Variants in IGSF3 observed in about 807,000 individuals in gnomAD.
The protein encoded by IGSF3 is immunoglobulin superfamily member 3.
Under a neutral mutation model 114.4 loss-of-function variants are expected in IGSF3, and 23 were observed. That is an observed-to-expected ratio of 0.20 (90% CI 0.14 to 0.28). IGSF3 has a LOEUF of 0.28. Ranked by LOEUF, IGSF3 falls within the 10% of genes least tolerant of loss-of-function variation. The pLI is 1.00. For synonymous variants in IGSF3, 571 were observed against 645.2 expected (o/e 0.88, Z 1.74); for missense variants, 1,172 against 1,591.5 (o/e 0.74, Z 4.48).
In IGSF3 at chr1:116,627,274, A is replaced by G. The variant is rs1179716648; in HGVS notation, c.44-10817T>C. 6.6e-6 allele frequency among the ~76,000 whole-genome samples: 1 copy of G among 152,184 alleles called. No individual in the cohort carries two copies. Among genetic ancestry groups the G allele is most frequent in the Non-Finnish European group, 1.5e-5 (1 of 68,034 alleles). On this transcript the variant is annotated intron_variant, in intron 2 of 10. Transcript: ENST00000369486. This position sits in a 1 kb window ranked among gnomAD's most constrained non-coding sequence, Gnocchi z 4.7. ...TAAGTGCCTCATTCCTTCTCACAGCATACATTTCACAGCAATTACTGTTGC... is the reference window on the plus strand; with the variant it reads ...TAAGTGCCTCATTCCTTCTCACAGCGTACATTTCACAGCAATTACTGTTGC...
chr1:116,659,121 T>G (rs548313190), intron 2 of IGSF3, among the ~76,000 whole-genome samples: 263 of 152,288 alleles, frequency 1.7e-3, no homozygotes, highest in African/African-American at 5.7e-3. Context: ...TTTAGGATCT[T>G]GCAGTGCCCC....
rs1176274499 is a variant in IGSF3, at chr1:116,632,711, G to T, written c.44-16254C>A. Among the ~76,000 whole-genome samples the T allele has an allele frequency of 6.6e-6, 1 of 152,200 alleles. No individual in the cohort carries two copies. Among genetic ancestry groups the T allele is most frequent in the African/African-American group, 2.4e-5 (1 of 41,456 alleles). On this transcript the variant is annotated intron_variant, in intron 2 of 10. Transcript: ENST00000369486. This position sits in a 1 kb window ranked among gnomAD's most constrained non-coding sequence, Gnocchi z 5.1. The stretch of plus-strand genomic sequence containing the variant: ...AACTCAGAGCTGACCTCGTCTGGCA[G>T]GATTAACTAGCCATACCTGTCCAGC...
At position 116,595,138 on chromosome 1, in the gene IGSF3, G is replaced by T. The variant is rs907359461; in HGVS notation, c.2029+4803C>A. On this transcript the variant is annotated intron_variant, in intron 7 of 10. Transcript: ENST00000369486. This position sits in a 1 kb window ranked among gnomAD's most constrained non-coding sequence, Gnocchi z 4.2. ...GGGAAAGCAGCAAGAGTCTGCAGGTGGAAATAGCTAATGAAGGTTACCCAG... is the reference window on the plus strand; with the variant it reads ...GGGAAAGCAGCAAGAGTCTGCAGGTTGAAATAGCTAATGAAGGTTACCCAG... Among the ~76,000 whole-genome samples, 9 of 152,126 alleles carry T rather than the reference G, an allele frequency of 5.9e-5. No homozygotes were observed. The highest frequency in any genetic ancestry group is 1.2e-4 in the Non-Finnish European group (8 of 68,026).
At chr1:116,667,126 G>T (rs1649365890) in intron 1 of IGSF3, among the ~76,000 whole-genome samples, 170 bp from the exon 2 acceptor site, 1 of 152,180 alleles carries the variant, frequency 6.6e-6, no homozygotes, top group Admixed American at 6.5e-5. Flanking sequence ...CAGTTTCCCT[G>T]CCCAGAGCAG....
Position 116,661,921 on chromosome 1 carries a change from C to A in IGSF3, c.43+4363G>T, listed in dbSNP as rs369365972. Reference sequence around the variant, plus strand: ...GTATCCTTACATTAAGAGGTCCTACCCTTCACTAGCCTTTTCTTCCTTCCT... The same window carrying A: ...GTATCCTTACATTAAGAGGTCCTACACTTCACTAGCCTTTTCTTCCTTCCT... On this transcript the variant is annotated intron_variant, in intron 2 of 10. Transcript: ENST00000369486. The surrounding 1 kb of genome is among the most constrained non-coding windows in gnomAD (Gnocchi z 4.0). Among the ~76,000 whole-genome samples, 9 of 152,258 alleles carry A rather than the reference C, an allele frequency of 5.9e-5. 1 individual carries two copies. Among genetic ancestry groups the A allele is most frequent in the African/African-American group, 1.9e-4 (8 of 41,538 alleles).
In IGSF3 at chr1:116,632,972, C is replaced by T. The variant is rs897429442; in HGVS notation, c.44-16515G>A. On this transcript the variant is annotated intron_variant, in intron 2 of 10. Coordinates refer to ENST00000369486, the MANE Select transcript of IGSF3 (RefSeq NM_001007237.3). This position sits in a 1 kb window ranked among gnomAD's most constrained non-coding sequence, Gnocchi z 5.1. Reference sequence around the variant, plus strand: ...TGGAGAGTTTCTTCACTGCAGCTATCCTGCCAGGCTCATTGTAAAGTGACG... The same window carrying T: ...TGGAGAGTTTCTTCACTGCAGCTATTCTGCCAGGCTCATTGTAAAGTGACG... 6.6e-6 allele frequency among the ~76,000 whole-genome samples: 1 copy of T among 152,238 alleles called. No homozygotes were observed. The highest frequency in any genetic ancestry group is 2.4e-5 in the African/African-American group (1 of 41,466).
In IGSF3 at chr1:116,579,421, G is replaced by A. The variant is rs755995207; in HGVS notation, c.3305C>T (p.Ala1102Val). Residue 1102 changes from alanine (A) to valine (V), a missense_variant, in exon 10 of 11, where the codon GCC becomes GTC. Ala to Val is a moderately conservative substitution (Grantham distance 64). Around this residue, in one of 3 missense-constraint regions of IGSF3, gnomAD observed 423 missense variants for 509.8 expected, o/e 0.83. Transcript: ENST00000369486. This position sits in a 1 kb window ranked among gnomAD's most constrained non-coding sequence, Gnocchi z 6.4. ...ATCTAGAACACGGATGCCGATGGGG[G>A]CTGACTCCTCCTCCGTCAGCCGGTA... is the stretch of plus-strand genomic sequence containing the variant. ...EWYRLTEEESAPIGIRVLDTS... is the reference protein window; with the variant it reads ...EWYRLTEEESVPIGIRVLDTS... The A allele has an allele frequency of 2.1e-5, 34 of 1,594,946 alleles. No individual in the cohort carries two copies. Among genetic ancestry groups the A allele is most frequent in the Admixed American group, 3.4e-5 (2 of 58,338 alleles).
rs1286408806 is a variant in IGSF3 at position 116,575,342 on chromosome 1, ACT to A, written c.*1968_*1969del. The A allele has an allele frequency of 2.6e-5, 4 of 152,690 alleles. No homozygotes were observed. The highest frequency in any genetic ancestry group is 5.9e-5 in the Non-Finnish European group (4 of 68,048). The allele number at this position is 152,690 out of a possible 1,614,324, so 9.5% of individuals were successfully genotyped here. On this transcript the variant is annotated 3_prime_UTR_variant, in exon 11 of 11. Coordinates refer to ENST00000369486, the MANE Select transcript of IGSF3 (RefSeq NM_001007237.3). The surrounding 1 kb of genome is among the most constrained non-coding windows in gnomAD (Gnocchi z 5.6). ...GATTAAGGTGGTGGTGCCTGCACAC[ACT>A]GTCTCACAGGAGGGTACGGTATACT... is the stretch of plus-strand genomic sequence containing the variant.
chr1:116,652,920 G>C (rs1158424917), intron 2 of IGSF3, among the ~76,000 whole-genome samples: 1 of 152,170 alleles, frequency 6.6e-6, no homozygotes, highest in African/African-American at 2.4e-5. Context: ...CGGAGATTTA[G>C]TAACACACTG....
chr1:116,584,607 A>C lies in IGSF3; in HGVS notation c.2848+38T>G. On this transcript the variant is annotated intron_variant, in intron 9 of 10. Coordinates refer to ENST00000369486, the MANE Select transcript of IGSF3 (RefSeq NM_001007237.3). The surrounding 1 kb of genome is among the most constrained non-coding windows in gnomAD (Gnocchi z 5.8). ...AAAACAGTATACTTAAATGGGAAAC[A>C]CCAGAGGGAGTGGAAGCTTGGGGAC... 6.2e-7 allele frequency: 1 copy of C among 1,606,090 alleles called. No individual in the cohort carries two copies. Among genetic ancestry groups the C allele is most frequent in the Non-Finnish European group, 8.5e-7 (1 of 1,172,944 alleles).
chr1:116,645,617 G>C (rs1453231202), intron 2 of IGSF3, among the ~76,000 whole-genome samples: 2 of 152,146 alleles, frequency 1.3e-5, no homozygotes, highest in Non-Finnish European at 2.9e-5. Flanking sequence ...AAGCTTACTG[G>C]GTCTCAACTG....
chr1:116,620,135 C>T (rs1045505717), intron 2 of IGSF3, among the ~76,000 whole-genome samples: 2 of 151,992 alleles, frequency 1.3e-5, no homozygotes, highest in African/African-American at 4.8e-5. Flanking sequence ...CTCCTAAACC[C>T]CTTGGAACTT....
chr1:116,665,929 A>G lies in IGSF3; in HGVS notation c.43+355T>C, dbSNP rs1243902253. Among the ~76,000 whole-genome samples, 1 of 152,180 alleles carries G rather than the reference A, an allele frequency of 6.6e-6. No homozygotes were observed. The highest frequency in any genetic ancestry group is 2.4e-5 in the African/African-American group (1 of 41,436). The stretch of plus-strand genomic sequence containing the variant: ...CAATTAGGAATCAATGCAGCCCAAC[A>G]AAGAAGTGAAAACACCAGAGCATCC... On this transcript the variant is annotated intron_variant, in intron 2 of 10. Coordinates refer to ENST00000369486, the MANE Select transcript of IGSF3 (RefSeq NM_001007237.3). This position sits in a 1 kb window ranked among gnomAD's most constrained non-coding sequence, Gnocchi z 4.0.
At chr1:116,631,056 C>T (rs1429916463) in intron 2 of IGSF3, among the ~76,000 whole-genome samples, 4 of 152,144 alleles carry the variant, frequency 2.6e-5, no homozygotes, top group East Asian at 3.9e-4. Context: ...TGGTGGCTCA[C>T]GCCTGTAATC....
Position 116,627,647 on chromosome 1 carries a change from G to A in IGSF3, c.44-11190C>T, listed in dbSNP as rs1228073796. On this transcript the variant is annotated intron_variant, in intron 2 of 10. Coordinates refer to ENST00000369486, the MANE Select transcript of IGSF3 (RefSeq NM_001007237.3). The surrounding 1 kb of genome is among the most constrained non-coding windows in gnomAD (Gnocchi z 4.7). Reference sequence around the variant, plus strand: ...AGGATGTCAGCTACCAGGCAGCAGAGGGATGCGGGGCGCCAACAGCAAAAG... The same window carrying A: ...AGGATGTCAGCTACCAGGCAGCAGAAGGATGCGGGGCGCCAACAGCAAAAG... Among the ~76,000 whole-genome samples, 2 of 152,258 alleles carry A rather than the reference G, an allele frequency of 1.3e-5. No individual in the cohort carries two copies. The highest frequency in any genetic ancestry group is 1.9e-4 in the East Asian group (1 of 5,198).
chr1:116,663,979 A>G (rs149579546), intron 2 of IGSF3, among the ~76,000 whole-genome samples: 1 of 152,348 alleles, frequency 6.6e-6, no homozygotes, highest in Non-Finnish European at 1.5e-5. Flanking sequence ...CTGACACATG[A>G]ACCAGACCAC....
At chr1:116,586,289 C>A (rs1400894303) in intron 8 of IGSF3, among the ~76,000 whole-genome samples, 1 of 152,172 alleles carries the variant, frequency 6.6e-6, no homozygotes, top group Admixed American at 6.5e-5. Flanking sequence ...TCTCCCTCCC[C>A]ATCCAAAAAA....
rs1278532376 is a variant in IGSF3, at chr1:116,651,657, AT to A, written c.43+14626del. On this transcript the variant is annotated intron_variant, in intron 2 of 10. Coordinates refer to ENST00000369486, the MANE Select transcript of IGSF3 (RefSeq NM_001007237.3). This position sits in a 1 kb window ranked among gnomAD's most constrained non-coding sequence, Gnocchi z 4.4. Reference sequence around the variant, plus strand: ...GGTTGAACTATGTGACATTATTGACATTCGACTGCTTCTGACCTATCAAAAT... The same window carrying A: ...GGTTGAACTATGTGACATTATTGACATCGACTGCTTCTGACCTATCAAAAT... 6.6e-6 allele frequency among the ~76,000 whole-genome samples: 1 copy of A among 152,222 alleles called. No homozygotes were observed. The highest frequency in any genetic ancestry group is 1.5e-5 in the Non-Finnish European group (1 of 68,040).
rs7532984 is a variant in IGSF3 at position 116,642,758 on chromosome 1, T to C, written c.43+23526A>G. Among the ~76,000 whole-genome samples, 178 of 152,338 alleles carry C rather than the reference T, an allele frequency of 1.2e-3. 1 individual carries two copies. The Middle Eastern group carries it at 0.024, about 20-fold the overall frequency. Reference sequence around the variant, plus strand: ...CCAGCTCCTGGGATGCGCTGTAGTATCATCAATCACCGCTGCTGCTCGCTG... The same window carrying C: ...CCAGCTCCTGGGATGCGCTGTAGTACCATCAATCACCGCTGCTGCTCGCTG... On this transcript the variant is annotated intron_variant, in intron 2 of 10. Transcript: ENST00000369486. The surrounding 1 kb of genome is among the most constrained non-coding windows in gnomAD (Gnocchi z 5.4).
Sources: allele counts gnomAD v4.1 joint callset (sites outside exome capture counted in the v4.1 genomes callset), GRCh38; gene constraint gnomAD v4.1.1; regional missense constraint gnomAD v4.1.1; non-coding constraint Gnocchi (gnomAD v3.1); transcripts MANE v1.5; gene names NCBI Gene and HGNC (gene_info 2026-07-23, HGNC 2026-07-21).